MRTFA: variants seen among roughly 807,000 people sequenced by gnomAD.
The protein encoded by MRTFA is myocardin related transcription factor A, also known as myocardin-related transcription factor A.
MRTFA carries 20 observed loss-of-function variants against 83.5 expected under a neutral mutation model. The ratio of observed to expected loss-of-function variants is 0.24; its 90% CI spans 0.17 to 0.35. The LOEUF (loss-of-function observed/expected upper bound fraction) is 0.35. Ranked by LOEUF, MRTFA falls within the 10% of genes least tolerant of loss-of-function variation. MRTFA has a pLI of 1.00. For synonymous variants in MRTFA, 659 were observed against 541.2 expected (o/e 1.22, Z -3.02); for missense variants, 1,200 against 1,224.7 (o/e 0.98, Z 0.30).
chr22:40,477,227 G>T (rs2054013663), intron 3 of MRTFA, among the ~76,000 whole-genome samples: 1 of 147,964 alleles, frequency 6.8e-6, no homozygotes, highest in Non-Finnish European at 1.5e-5. Flanking sequence ...GCGGGCACTT[G>T]TAATCCCAGC....
intron 3 of MRTFA, among the ~76,000 whole-genome samples, chr22:40,471,056 G>GA (rs924514455): frequency 4.2e-4 from 64 of 151,262 alleles, no homozygotes; most frequent in African/African-American, 1.5e-3. Flanking sequence ...AGACTGCCAA[G>GA]AAAAAAACAG....
At chr22:40,622,445 C>T (rs2056534322) in intron 1 of MRTFA, among the ~76,000 whole-genome samples, 2 of 151,130 alleles carry the variant, frequency 1.3e-5, no homozygotes, top group East Asian at 2.0e-4. Context: ...GGTGCCACTA[C>T]ACTCCAGCCT....
At chr22:40,467,577 C>T (rs1490427201) in intron 3 of MRTFA, among the ~76,000 whole-genome samples, 1 of 152,096 alleles carries the variant, frequency 6.6e-6, no homozygotes, top group Non-Finnish European at 1.5e-5. Flanking sequence ...TCTGTGTTCA[C>T]TGCCAAAGTT....
intron 2 of MRTFA, among the ~76,000 whole-genome samples, chr22:40,559,350 T>C (rs556888099): frequency 6.6e-6 from 1 of 152,268 alleles, no homozygotes; most frequent in South Asian, 2.1e-4. Flanking sequence ...ATCATGCCAC[T>C]GCACTCCAGC....
At chr22:40,457,588 T>G (rs1448830975) in intron 4 of MRTFA, among the ~76,000 whole-genome samples, 1 of 151,746 alleles carries the variant, frequency 6.6e-6, no homozygotes, top group East Asian at 1.9e-4. Context: ...AAGAAGAAAT[T>G]TTAACTCTGC....
At chr22:40,468,301 T>C (rs182001069) in intron 3 of MRTFA, among the ~76,000 whole-genome samples, 404 of 152,340 alleles carry the variant, frequency 2.7e-3, no homozygotes, top group Admixed American at 4.2e-3. Flanking sequence ...TGGATTTCAC[T>C]GGAAAGGAAA....
intron 4 of MRTFA, among the ~76,000 whole-genome samples, chr22:40,459,824 T>TATACAC (rs1555973802): frequency 8.9e-5 from 5 of 56,404 alleles, no homozygotes; most frequent in Non-Finnish European, 1.3e-4. Flanking sequence ...CACACACACA[T>TATACAC]ATATACATAT....
chr22:40,482,053 C>T (rs542131549), intron 3 of MRTFA, among the ~76,000 whole-genome samples: 9 of 149,838 alleles, frequency 6.0e-5, no homozygotes, highest in Admixed American at 5.3e-4. Context: ...CAGCAAGACT[C>T]CCATCTCAAA....
intron 4 of MRTFA, among the ~76,000 whole-genome samples, chr22:40,458,990 G>A (rs1185952289): frequency 6.6e-6 from 1 of 151,522 alleles, no homozygotes; most frequent in Non-Finnish European, 1.5e-5. Flanking sequence ...CGAGATAATT[G>A]CTTGAACCCA....
intron 1 of MRTFA, among the ~76,000 whole-genome samples, chr22:40,628,195 T>C (rs911040946): frequency 1.3e-5 from 2 of 152,212 alleles, no homozygotes; most frequent in African/African-American, 4.8e-5. Context: ...TAAGGATTAT[T>C]AACTCTAGTT....
At chr22:40,524,704 C>G in intron 3 of MRTFA, among the ~76,000 whole-genome samples, 1 of 151,304 alleles carries the variant, frequency 6.6e-6, no homozygotes, top group African/African-American at 2.4e-5. Context: ...AGCTCTATCT[C>G]CTAATCATTA....
chr22:40,510,202 CTAAAG>C (rs1300440223), intron 3 of MRTFA, among the ~76,000 whole-genome samples: 5 of 152,032 alleles, frequency 3.3e-5, no homozygotes, highest in African/African-American at 4.8e-5. Context: ...ACTAGGACAA[CTAAAG>C]TAAAGTGATT....
At chr22:40,598,093 T>A (rs190673451) in intron 1 of MRTFA, among the ~76,000 whole-genome samples, 3 of 152,334 alleles carry the variant, frequency 2.0e-5, no homozygotes, top group Admixed American at 2.0e-4. Context: ...GATGAGTTAC[T>A]TTTTAAAAAT....
intron 2 of MRTFA, among the ~76,000 whole-genome samples, chr22:40,574,592 G>A (rs1033105089): frequency 6.6e-6 from 1 of 151,686 alleles, no homozygotes; most frequent in South Asian, 2.1e-4. Context: ...GCACCACCAC[G>A]CCGGCTGATT....
chr22:40,418,544 G>C lies in MRTFA; in HGVS notation c.2194C>G (p.Pro732Ala), dbSNP rs770587993. Residue 732 changes from proline (P) to alanine (A), a missense_variant, in exon 12 of 15, where the codon CCC becomes GCC. Around this residue, in one of 2 missense-constraint regions of MRTFA, gnomAD observed 1,107 missense variants for 1,041.8 expected, o/e 1.06. Coordinates refer to ENST00000355630, the MANE Select transcript of MRTFA (RefSeq NM_020831.6). ...AACTGGGGGGCGGGGACCGGCTCGG[G>C]CTCAGGCTGCAAGGCTTCCTGCTTC... The C allele has an allele frequency of 6.3e-7, 1 of 1,582,724 alleles. No individual in the cohort carries two copies.
intron 3 of MRTFA, among the ~76,000 whole-genome samples, chr22:40,501,975 CG>C (rs1173875777): frequency 8.3e-6 from 1 of 119,810 alleles, no homozygotes; most frequent in Non-Finnish European, 1.8e-5. Flanking sequence ...GCTGGCCGGG[CG>C]GGGGGCTGAC....
chr22:40,440,421 T>C (rs894879634), intron 4 of MRTFA, among the ~76,000 whole-genome samples: 3 of 152,212 alleles, frequency 2.0e-5, no homozygotes, highest in Non-Finnish European at 4.4e-5. Flanking sequence ...AATGTGTCAG[T>C]TTCTCTCAGT....
intron 2 of MRTFA, among the ~76,000 whole-genome samples, chr22:40,566,648 A>T (rs1010957934): frequency 6.6e-6 from 1 of 152,124 alleles, no homozygotes; most frequent in Admixed American, 6.5e-5. Flanking sequence ...CCTGGCCAAC[A>T]TGTTGAAACC....
At chr22:40,463,135 T>C (rs1253309231) in intron 4 of MRTFA, 86 bp downstream of exon 4, 3 of 1,168,962 alleles carry the variant, frequency 2.6e-6, no homozygotes, top group South Asian at 2.5e-5. Flanking sequence ...CCTTGTTTTA[T>C]GTTAGATGCT....
Sources: allele counts gnomAD v4.1 joint callset (sites outside exome capture counted in the v4.1 genomes callset), GRCh38; gene constraint gnomAD v4.1.1; regional missense constraint gnomAD v4.1.1; transcripts MANE v1.5; gene names NCBI Gene and HGNC (gene_info 2026-07-23, HGNC 2026-07-21).